The following SLC51A variants were observed in gnomAD, a reference collection of about 807,000 sequenced individuals.
SLC51A encodes the protein solute carrier family 51 member A, also known as organic solute transporter subunit alpha.
SLC51A carries 22 observed loss-of-function variants against 34.8 expected under a neutral mutation model. The observed-to-expected ratio is 0.63, with a 90% confidence interval of 0.45 to 0.90. The LOEUF (loss-of-function observed/expected upper bound fraction) is 0.90, where lower values mean the gene tolerates loss of function less well. Ranked by LOEUF, SLC51A falls within the 40% of genes least tolerant of loss-of-function variation. SLC51A has a pLI of 0.00. For synonymous variants in SLC51A, 181 were observed against 176.3 expected (o/e 1.03, Z -0.21); for missense variants, 371 against 414.8 (o/e 0.89, Z 0.92).
intron 1 of SLC51A, among the ~76,000 whole-genome samples, 158 bp from the exon 2 acceptor site, chr3:196,217,680 AGAGT>A (rs1298207337): frequency 6.6e-6 from 1 of 151,900 alleles, no homozygotes; most frequent in Admixed American, 6.6e-5. Context: ...AGAGAAAGAG[AGAGT>A]GAAAGGAAGG....
intron 2 of SLC51A, among the ~76,000 whole-genome samples, chr3:196,219,865 A>ACCTTG: frequency 6.6e-6 from 1 of 152,174 alleles, no homozygotes; most frequent in East Asian, 1.9e-4. Flanking sequence ...AGGTTGAGAA[A>ACCTTG]CCTTGCCTCA....
At chr3:196,230,463 C>T (rs755508104) in intron 7 of SLC51A, among the ~76,000 whole-genome samples, 43 of 152,036 alleles carry the variant, frequency 2.8e-4, no homozygotes, top group Non-Finnish European at 2.6e-4. Context: ...CCATTTCTGC[C>T]TCCATTATCT....
intron 2 of SLC51A, among the ~76,000 whole-genome samples, chr3:196,222,619 G>T (rs1351034393): frequency 6.8e-6 from 1 of 147,504 alleles, no homozygotes; most frequent in Non-Finnish European, 1.5e-5. Context: ...TGGCGACAGA[G>T]TAAGGCTCCA....
chr3:196,226,835 T>G (rs1577346819), intron 2 of SLC51A, 130 bp from the exon 3 acceptor site: 2 of 686,228 alleles, frequency 2.9e-6, no homozygotes, highest in South Asian at 2.6e-5. Context: ...ATACTCTAGG[T>G]CTAAAAAATC....
chr3:196,233,093 C>T lies in SLC51A; in HGVS notation c.917C>T (p.Thr306Ile). 1 of 1,614,180 alleles carries T rather than the reference C, an allele frequency of 6.2e-7. No homozygotes were observed. The highest frequency in any genetic ancestry group is 8.5e-7 in the Non-Finnish European group (1 of 1,180,004). Reference protein sequence around the residue: ...VMNCHLLILETFLMTVLTRMY... With the variant: ...VMNCHLLILEIFLMTVLTRMY... ...AATTGCCACCTCCTCATACTGGAGACTTTTCTAATGACTGTGCTGACACGA... is the reference window on the plus strand; with the variant it reads ...AATTGCCACCTCCTCATACTGGAGATTTTTCTAATGACTGTGCTGACACGA... The change falls in exon 9 of 9, where the codon ACT becomes ATT. Residue 306 changes from threonine to isoleucine, a missense_variant. Physicochemically the swap from Thr to Ile is moderately conservative, Grantham distance 89 (BLOSUM62 -1). Coordinates refer to ENST00000296327, the MANE Select transcript of SLC51A (RefSeq NM_152672.6).
chr3:196,218,053 C>A, intron 2 of SLC51A, 117 bp downstream of exon 2: 1 of 886,970 alleles, frequency 1.1e-6, no homozygotes, highest in Non-Finnish European at 1.8e-6. Flanking sequence ...GAATAACTGG[C>A]CCGGTGTCTG....
intron 2 of SLC51A, among the ~76,000 whole-genome samples, chr3:196,221,686 T>TTTTG (rs1278607524): frequency 2.0e-5 from 3 of 151,856 alleles, no homozygotes; most frequent in Non-Finnish European, 2.9e-5. Context: ...TTTACTTTGT[T>TTTTG]TTTGTTTGTT....
intron 7 of SLC51A, among the ~76,000 whole-genome samples, chr3:196,232,202 ATAAAC>A (rs1724042154): frequency 6.6e-6 from 1 of 152,274 alleles, no homozygotes; most frequent in Non-Finnish European, 1.5e-5. Flanking sequence ...AGAAACTCTA[ATAAAC>A]TACTGGGTAG....
rs774210387 is a variant in SLC51A, at chr3:196,228,060, GCTGT to G, written c.363-52_363-49del. ...TCCTCAGTAAGCCCCACCTCTCCCT[GCTGT>G]CTTTCTCTCTGGCAGCAGACCTCGT... On this transcript the variant is annotated intron_variant, in intron 4 of 8. Coordinates refer to ENST00000296327, the MANE Select transcript of SLC51A (RefSeq NM_152672.6). The surrounding 1 kb of genome is among the most constrained non-coding windows in gnomAD (Gnocchi z 4.9). 6 of 1,576,766 alleles carry G rather than the reference GCTGT, an allele frequency of 3.8e-6. No homozygotes were observed. The South Asian group carries it at 7.1e-5, about 19-fold the overall frequency.
In SLC51A at chr3:196,227,839, T is replaced by G. The variant is rs1325584519; in HGVS notation, c.362+102T>G. 3 of 1,183,548 alleles carry G rather than the reference T, an allele frequency of 2.5e-6. No individual in the cohort carries two copies. In the African/African-American group the frequency reaches 4.6e-5, roughly 18 times the overall value. 73.3% of individuals were successfully genotyped at this position (1,183,548 alleles called of 1,614,324 possible). A position where few individuals can be genotyped will look rare whatever the true frequency, so the allele number is the denominator to read the frequency against. ...CCCAGCTGACCATGTATCTGGCCCT[T>G]CCCAGCTTGTGCTAGTTCCGGGCTC... On this transcript the variant is annotated intron_variant, in intron 4 of 8. Coordinates refer to ENST00000296327, the MANE Select transcript of SLC51A (RefSeq NM_152672.6).
At position 196,228,516 on chromosome 3, in the gene SLC51A, C is replaced by T; in HGVS notation, c.521+243C>T. ...GCAAGCCTTAGCCACACAGAGAAAA[C>T]TGGACTTGGGGCCATTCGCTTGCCC... On this transcript the variant is annotated intron_variant, in intron 5 of 8. Transcript: ENST00000296327. This position sits in a 1 kb window ranked among gnomAD's most constrained non-coding sequence, Gnocchi z 4.9. The T allele has an allele frequency of 1.6e-6, 1 of 621,486 alleles. No homozygotes were observed. The highest frequency in any genetic ancestry group is 2.8e-6 in the Non-Finnish European group (1 of 359,796). The allele number at this position is 621,486 out of a possible 1,614,324, so 38.5% of individuals were successfully genotyped here.
At chr3:196,220,753 T>C (rs1278497484) in intron 2 of SLC51A, among the ~76,000 whole-genome samples, 1 of 152,132 alleles carries the variant, frequency 6.6e-6, no homozygotes, top group Non-Finnish European at 1.5e-5. Context: ...AGGAAAGACC[T>C]AGGCGTGTAA....
At position 196,216,834 on chromosome 3, in the gene SLC51A, CCCT is replaced by C. The variant is rs947837050; in HGVS notation, c.38+85_38+87del. ...GGCCTGTCCTCTCTCCCTCCCAGAG[CCCT>C]TTGGCGGCCGCACTCAGAATGAGAC... On this transcript the variant is annotated intron_variant, in intron 1 of 8. Transcript: ENST00000296327. This position sits in a 1 kb window ranked among gnomAD's most constrained non-coding sequence, Gnocchi z 4.5. 1 of 1,377,854 alleles carries C rather than the reference CCCT, an allele frequency of 7.3e-7. No individual in the cohort carries two copies. Among genetic ancestry groups the C allele is most frequent in the African/African-American group, 1.4e-5 (1 of 69,132 alleles). 85.4% of individuals were successfully genotyped at this position (1,377,854 alleles called of 1,614,324 possible). A position where few individuals can be genotyped will look rare whatever the true frequency, so the allele number is the denominator to read the frequency against.
At chr3:196,218,050 T>G (rs536521548) in intron 2 of SLC51A, 114 bp downstream of exon 2, 4 of 901,230 alleles carry the variant, frequency 4.4e-6, no homozygotes, top group Non-Finnish European at 7.0e-6. Context: ...GGAGAATAAC[T>G]GGCCCGGTGT....
Position 196,228,999 on chromosome 3 carries a change from C to T in SLC51A, c.633+79C>T. 2.5e-6 allele frequency: 3 copies of T among 1,185,684 alleles called. No individual in the cohort carries two copies. The highest frequency in any genetic ancestry group is 2.5e-5 in the South Asian group (2 of 81,316). The allele number at this position is 1,185,684 out of a possible 1,614,324, so 73.4% of individuals were successfully genotyped here. On this transcript the variant is annotated intron_variant, in intron 6 of 8. Transcript: ENST00000296327. This position sits in a 1 kb window ranked among gnomAD's most constrained non-coding sequence, Gnocchi z 4.9. ...TTCTAAAAGGAATCACCAGAGCCAA[C>T]ACCCCTTGACAGAGGGCCCCAGAAA...
intron 2 of SLC51A, among the ~76,000 whole-genome samples, chr3:196,219,497 C>T (rs1171425877): frequency 1.3e-5 from 2 of 152,188 alleles, no homozygotes; most frequent in African/African-American, 4.8e-5. Flanking sequence ...CAGACGTGGG[C>T]GTGTCCTTGG....
At chr3:196,232,828 A>ATG in intron 8 of SLC51A, 1 of 588,650 alleles carries the variant, frequency 1.7e-6, no homozygotes, top group South Asian at 2.1e-5. Context: ...TGTTGATTGA[A>ATG]CACACATAAG....
Position 196,228,921 on chromosome 3 carries a change from G to A in SLC51A, c.633+1G>A, listed in dbSNP as rs748846021. On this transcript the variant is annotated splice_donor_variant, in intron 6 of 8. Transcript: ENST00000296327. LOFTEE classifies it high-confidence loss of function. The surrounding 1 kb of genome is among the most constrained non-coding windows in gnomAD (Gnocchi z 4.9). ...CGACGGCATCTATGACCCAGCAGAC[G>A]TAAGCCGGGAGTAAGGGACAGCACA... is the stretch of plus-strand genomic sequence containing the variant. 2.5e-5 allele frequency: 41 copies of A among 1,610,154 alleles called. No homozygotes were observed. The highest frequency in any genetic ancestry group is 3.1e-5 in the Non-Finnish European group (36 of 1,176,402).
Position 196,216,635 on chromosome 3 carries a change from G to GCCCCCCGCCCCCACCAGCCCCCC in SLC51A, c.-73_-72insCGCCCCCACCAGCCCCCCCCCCC. The GCCCCCCGCCCCCACCAGCCCCCC allele has an allele frequency of 1.4e-6, 2 of 1,416,610 alleles. No individual in the cohort carries two copies. The highest frequency in any genetic ancestry group is 9.7e-7 in the Non-Finnish European group (1 of 1,032,680). 87.8% of individuals were successfully genotyped at this position (1,416,610 alleles called of 1,614,324 possible). On this transcript the variant is annotated 5_prime_UTR_variant, in exon 1 of 9. Transcript: ENST00000296327. The surrounding 1 kb of genome is among the most constrained non-coding windows in gnomAD (Gnocchi z 4.5). ...CACCCCGGCCCAGGCAAGCCACCCT[G>GCCCCCCGCCCCCACCAGCCCCCC]CCCCCGGCCCCCACCTGCCCGCCCC...
Sources: allele counts gnomAD v4.1 joint callset (sites outside exome capture counted in the v4.1 genomes callset), GRCh38; gene constraint gnomAD v4.1.1; non-coding constraint Gnocchi (gnomAD v3.1); transcripts MANE v1.5; gene names NCBI Gene and HGNC (gene_info 2026-07-23, HGNC 2026-07-21).